Variants in GPC6 observed in about 807,000 individuals in gnomAD.
GPC6 encodes the protein glypican-6.
In GPC6, 14 loss-of-function variants were observed where a neutral mutation model predicts 55.2. The ratio of observed to expected loss-of-function variants is 0.25; its 90% CI spans 0.17 to 0.40. The LOEUF (loss-of-function observed/expected upper bound fraction) is 0.40. GPC6 is among the 10% of genes least tolerant of loss of function. The pLI, the probability that GPC6 is intolerant of heterozygous loss-of-function variation, is 1.00. For synonymous variants in GPC6, 278 were observed against 259.6 expected (o/e 1.07, Z -0.68); for missense variants, 641 against 708.5 (o/e 0.90, Z 1.08).
intron 2 of GPC6, among the ~76,000 whole-genome samples, chr13:93,580,121 A>C (rs1042707497): frequency 6.6e-6 from 1 of 152,200 alleles, no homozygotes. Context: ...TGCAAGTCCA[A>C]GATCAAGGCG....
chr13:93,601,909 T>C (rs1323247286), intron 2 of GPC6, among the ~76,000 whole-genome samples: 1 of 152,250 alleles, frequency 6.6e-6, no homozygotes, highest in East Asian at 1.9e-4. Flanking sequence ...TCTCGTTTCC[T>C]GCACTGCCTA....
intron 6 of GPC6, among the ~76,000 whole-genome samples, chr13:94,358,302 G>A (rs1594203102): frequency 1.0e-4 from 15 of 147,724 alleles, no homozygotes; most frequent in African/African-American, 1.5e-4. Context: ...AAAAAAAAAA[G>A]AAAAAGGAAA....
chr13:94,242,913 T>C (rs1003152399), intron 4 of GPC6, among the ~76,000 whole-genome samples: 14 of 151,848 alleles, frequency 9.2e-5, no homozygotes, highest in African/African-American at 2.2e-4. Context: ...TTTATTTAAC[T>C]TTAGAAGGAA....
intron 3 of GPC6, among the ~76,000 whole-genome samples, chr13:93,952,757 CGTG>C (rs1879309509): frequency 6.8e-6 from 1 of 147,328 alleles, no homozygotes; most frequent in Non-Finnish European, 1.5e-5. Context: ...GTGCGTGTGA[CGTG>C]TGTGTGTGAG....
At chr13:93,666,458 A>G (rs1285955589) in intron 2 of GPC6, among the ~76,000 whole-genome samples, 1 of 152,140 alleles carries the variant, frequency 6.6e-6, no homozygotes, top group African/African-American at 2.4e-5. Context: ...CATTTTATCA[A>G]TGCAGACAAA....
intron 2 of GPC6, among the ~76,000 whole-genome samples, chr13:93,694,239 G>A (rs976448135): frequency 2.6e-5 from 4 of 152,034 alleles, no homozygotes; most frequent in African/African-American, 9.7e-5. Context: ...CTCTTTATGT[G>A]CATAGACAGG....
At chr13:94,080,798 A>G (rs1885070527) in intron 4 of GPC6, among the ~76,000 whole-genome samples, 1 of 152,186 alleles carries the variant, frequency 6.6e-6, no homozygotes, top group Non-Finnish European at 1.5e-5. Context: ...ACCTCTTCTA[A>G]CCTTAATTTC....
At chr13:93,373,790 A>T (rs1024298888) in intron 1 of GPC6, among the ~76,000 whole-genome samples, 3 of 152,208 alleles carry the variant, frequency 2.0e-5, no homozygotes, top group Non-Finnish European at 4.4e-5. Context: ...GGTCAGTTTT[A>T]TGTGTTGATA....
intron 3 of GPC6, among the ~76,000 whole-genome samples, chr13:93,969,763 A>C (rs998343065): frequency 1.3e-5 from 2 of 150,378 alleles, no homozygotes; most frequent in East Asian, 2.0e-4. Flanking sequence ...CCACCATTCT[A>C]CTCTCTATCC....
intron 3 of GPC6, among the ~76,000 whole-genome samples, chr13:93,850,433 C>G (rs530596393): frequency 4.0e-4 from 61 of 151,950 alleles, no homozygotes; most frequent in African/African-American, 1.4e-3. Context: ...GACCTTAGAC[C>G]ATTTTATTTT....
chr13:94,105,376 A>G (rs1334730353), intron 4 of GPC6, among the ~76,000 whole-genome samples: 1 of 152,072 alleles, frequency 6.6e-6, no homozygotes, highest in East Asian at 1.9e-4. Context: ...TTTCAAATAA[A>G]AGGATAGAAT....
intron 1 of GPC6, among the ~76,000 whole-genome samples, chr13:93,246,496 A>T (rs185740728): frequency 6.1e-4 from 93 of 152,208 alleles, no homozygotes; most frequent in Admixed American, 3.5e-3. Flanking sequence ...AAAAAATAAT[A>T]ATAATAAATA....
intron 1 of GPC6, among the ~76,000 whole-genome samples, chr13:93,255,525 T>C (rs568526873): frequency 1.3e-5 from 2 of 152,342 alleles, no homozygotes; most frequent in South Asian, 2.1e-4. Flanking sequence ...TTGGGTTTTT[T>C]TCCCCCTACA....
chr13:94,074,020 G>A (rs1238510560), intron 4 of GPC6, among the ~76,000 whole-genome samples: 1 of 152,132 alleles, frequency 6.6e-6, no homozygotes, highest in Non-Finnish European at 1.5e-5. Flanking sequence ...TTTGCATCTG[G>A]CAGAGTTTCT....
At chr13:93,312,116 G>A (rs1879089082) in intron 1 of GPC6, among the ~76,000 whole-genome samples, 1 of 152,140 alleles carries the variant, frequency 6.6e-6, no homozygotes, top group African/African-American at 2.4e-5. Flanking sequence ...TGTGAAATTG[G>A]CAGTACCAAA....
At chr13:93,804,601 T>C (rs1886485614) in intron 2 of GPC6, among the ~76,000 whole-genome samples, 1 of 152,226 alleles carries the variant, frequency 6.6e-6, no homozygotes, top group African/African-American at 2.4e-5. Context: ...TAGTAAGTTC[T>C]TTTGTACTCC....
chr13:93,679,095 A>G (rs775336271), intron 2 of GPC6, among the ~76,000 whole-genome samples: 15 of 152,178 alleles, frequency 9.9e-5, no homozygotes, highest in Admixed American at 9.2e-4. Flanking sequence ...AGAAATTGAG[A>G]AACATATTCT....
chr13:94,263,811 A>C (rs2139052793), intron 4 of GPC6, among the ~76,000 whole-genome samples: 1 of 152,368 alleles, frequency 6.6e-6, no homozygotes, highest in East Asian at 1.9e-4. Flanking sequence ...TGAAATTTAC[A>C]GCCTGGCAGC....
rs1426299732 is a variant in GPC6 at position 94,120,224 on chromosome 13, A to G, written c.877+92330A>G. Among the ~76,000 whole-genome samples, 3 of 152,072 alleles carry G rather than the reference A, an allele frequency of 2.0e-5. No homozygotes were observed. In the East Asian group the frequency reaches 5.8e-4, roughly 29 times the overall value. ...CAGTAGACATACACCACCAGACTGTAGAAGGATCGCAGTGCTGTTCTGAAA... is the reference window on the plus strand; with the variant it reads ...CAGTAGACATACACCACCAGACTGTGGAAGGATCGCAGTGCTGTTCTGAAA... On this transcript the variant is annotated intron_variant, in intron 4 of 8. Coordinates refer to ENST00000377047, the MANE Select transcript of GPC6 (RefSeq NM_005708.5).
Sources: gnomAD v4.1 joint callset for allele counts (sites outside exome capture counted in the v4.1 genomes callset) on GRCh38, gnomAD v4.1.1 for gene constraint, MANE v1.5 for transcripts, NCBI Gene and HGNC (gene_info 2026-07-23, HGNC 2026-07-21) for gene names.